The following GSE1 variants were observed in gnomAD, a reference collection of about 807,000 sequenced individuals.
GSE1 encodes the protein Gse1 coiled-coil protein, also known as genetic suppressor element 1.
GSE1 carries 32 observed loss-of-function variants against 112.6 expected under a neutral mutation model. That is an observed-to-expected ratio of 0.28 (90% CI 0.21 to 0.38). The LOEUF is 0.38. GSE1 is among the 10% of genes least tolerant of loss of function. The pLI is 1.00. For missense variants in GSE1, 2,348 were observed against 1,699.2 expected, an observed-to-expected ratio of 1.38 and a Z score of -6.71; for synonymous variants, 1,115 against 735.6, an observed-to-expected ratio of 1.52 and a Z score of -8.35.
At chr16:85,561,587 G>A (rs2045523720) in intron 1 of GSE1, among the ~76,000 whole-genome samples, 1 of 152,232 alleles carries the variant, frequency 6.6e-6, no homozygotes, top group South Asian at 2.1e-4. Flanking sequence ...GGAAACTGAG[G>A]CCCAGAGAGA....
chr16:85,446,183 C>T (rs951467216), intron 2 of GSE1, among the ~76,000 whole-genome samples: 4 of 152,296 alleles, frequency 2.6e-5, no homozygotes, highest in Admixed American at 2.0e-4. Context: ...TCTGCGACGT[C>T]GGGGCCTGTT....
At chr16:85,352,471 C>A (rs1008442530) in intron 1 of GSE1, among the ~76,000 whole-genome samples, 2 of 152,156 alleles carry the variant, frequency 1.3e-5, no homozygotes, top group Non-Finnish European at 2.9e-5. Flanking sequence ...TTCTCCAGGG[C>A]CCCCTGGGAG....
At chr16:85,414,769 G>A (rs2048665897) in intron 2 of GSE1, among the ~76,000 whole-genome samples, 1 of 152,064 alleles carries the variant, frequency 6.6e-6, no homozygotes, top group South Asian at 2.1e-4. Context: ...TGAATAACTG[G>A]GATTACAGGC....
Position 85,648,669 on chromosome 16 carries a change from A to G in GSE1, c.344A>G (p.His115Arg), listed in dbSNP as rs780813332. ...MGPIIVPPGG[H>R]SVPSTPPVVT... is the part of the protein sequence containing the mutation. ...CCTATCATCGTCCCCCCTGGGGGCC[A>G]CAGCGTGCCCAGCACCCCCCCCGTG... is the stretch of plus-strand genomic sequence containing the variant. The change falls in exon 3 of 16, where the codon CAC becomes CGC. Residue 115 changes from histidine (H) to arginine (R), a missense_variant. His to Arg is a conservative substitution (Grantham distance 29). Coordinates refer to ENST00000253458, the MANE Select transcript of GSE1 (RefSeq NM_014615.5). 24 of 1,602,370 alleles carry G rather than the reference A, an allele frequency of 1.5e-5. No individual in the cohort carries two copies. The highest frequency in any genetic ancestry group is 2.0e-5 in the Non-Finnish European group (23 of 1,172,016).
At chr16:85,649,972 G>A (rs752728166) in intron 3 of GSE1, among the ~76,000 whole-genome samples, 6 of 152,132 alleles carry the variant, frequency 3.9e-5, no homozygotes, top group African/African-American at 9.7e-5. Context: ...GAATCCCTGG[G>A]AGCTCCGGAC....
intron 2 of GSE1, among the ~76,000 whole-genome samples, chr16:85,646,101 CAT>C (rs2050842086): frequency 4.1e-5 from 5 of 121,268 alleles, no homozygotes; most frequent in African/African-American, 1.9e-4. Flanking sequence ...GCTTCCTATG[CAT>C]GCATTCTACC....
chr16:85,614,336 C>T (rs1389916543), intron 1 of GSE1, among the ~76,000 whole-genome samples: 3 of 152,148 alleles, frequency 2.0e-5, no homozygotes, highest in Middle Eastern at 3.2e-3. Flanking sequence ...CCGCCCGCCT[C>T]TCTAGCAGGC....
intron 2 of GSE1, among the ~76,000 whole-genome samples, chr16:85,436,893 G>C (rs116443988): frequency 0.024 from 3,657 of 152,354 alleles, 164 homozygotes; most frequent in African/African-American, 0.083. Flanking sequence ...CCGGGACTGT[G>C]GGGGCGGGCT....
exon 1 of GSE1, chr16:85,170,208 G>C: frequency 1.0e-6 from 1 of 985,252 alleles, no homozygotes. Context: ...CAGAGGCCTC[G>C]GCGCAGGGGC....
At chr16:85,592,198 T>A (rs2047032550) in intron 1 of GSE1, 1 of 151,968 alleles carries the variant, frequency 6.6e-6, no homozygotes, top group South Asian at 2.1e-4. Flanking sequence ...AGTCTCTCTC[T>A]GTTGCCCAGG....
rs566166391 is a variant in GSE1 at position 85,542,705 on chromosome 16, G to A, written c.2465-91209G>A. ...CGTTTGCTGTATGAGACTGATGGTCGTGAAGCCCGGGGGACTGTCCACACA... is the reference window on the plus strand; with the variant it reads ...CGTTTGCTGTATGAGACTGATGGTCATGAAGCCCGGGGGACTGTCCACACA... On this transcript the variant is annotated intron_variant, in intron 2 of 2. Transcript: ENST00000637419. Among the ~76,000 whole-genome samples, 7 of 152,336 alleles carry A rather than the reference G, an allele frequency of 4.6e-5. No homozygotes were observed. The East Asian group carries it at 9.6e-4, about 21-fold the overall frequency.
chr16:85,401,272 G>C (rs1406612703), intron 2 of GSE1, among the ~76,000 whole-genome samples: 1 of 144,062 alleles, frequency 6.9e-6, no homozygotes, highest in Non-Finnish European at 1.5e-5. Flanking sequence ...TAAATAAAAA[G>C]ATTCTACATT....
At chr16:85,616,697 C>G (rs1037192949) in intron 1 of GSE1, among the ~76,000 whole-genome samples, 5 of 152,058 alleles carry the variant, frequency 3.3e-5, no homozygotes, top group Non-Finnish European at 5.9e-5. Flanking sequence ...TAATTCCTCC[C>G]CCAGTGGAGT....
At chr16:85,342,521 C>T (rs1380382073) in intron 1 of GSE1, among the ~76,000 whole-genome samples, 1 of 152,100 alleles carries the variant, frequency 6.6e-6, no homozygotes, top group Non-Finnish European at 1.5e-5. Flanking sequence ...GCGTGGGCCT[C>T]GGCAGCCCCA....
At chr16:85,197,802 T>G (rs960827709) in intron 1 of GSE1, among the ~76,000 whole-genome samples, 1 of 152,206 alleles carries the variant, frequency 6.6e-6, no homozygotes, top group African/African-American at 2.4e-5. Flanking sequence ...CACGTTGTTA[T>G]AGCTGAGAAT....
At chr16:85,587,909 C>T (rs990974204) in intron 1 of GSE1, among the ~76,000 whole-genome samples, 1 of 152,190 alleles carries the variant, frequency 6.6e-6, no homozygotes, top group African/African-American at 2.4e-5. Context: ...AGGCAGGCAC[C>T]ACCTTGCTTC....
intron 8 of GSE1, among the ~76,000 whole-genome samples, chr16:85,659,869 CTT>C (rs1421007080): frequency 6.6e-6 from 1 of 152,246 alleles, no homozygotes; most frequent in Non-Finnish European, 1.5e-5. Context: ...CTTGAAGACA[CTT>C]TGAGGCCTCT....
chr16:85,503,730 C>T (rs2051445154), intron 2 of GSE1, among the ~76,000 whole-genome samples: 2 of 152,160 alleles, frequency 1.3e-5, no homozygotes, highest in African/African-American at 4.8e-5. Flanking sequence ...CAAACCTCGC[C>T]GATGACAGAC....
At chr16:85,368,143 C>T (rs911090994) in intron 2 of GSE1, among the ~76,000 whole-genome samples, 23 of 152,132 alleles carry the variant, frequency 1.5e-4, no homozygotes, top group South Asian at 2.1e-4. Flanking sequence ...CGTGAGCCAC[C>T]GGAAATAAGA....
Sources: allele counts gnomAD v4.1 joint callset (sites outside exome capture counted in the v4.1 genomes callset), GRCh38; gene constraint gnomAD v4.1.1; transcripts MANE v1.5; gene names NCBI Gene and HGNC (gene_info 2026-07-23, HGNC 2026-07-21).